Variants in PIP5K1B observed in about 807,000 individuals in gnomAD.
PIP5K1B encodes phosphatidylinositol-4-phosphate 5-kinase type 1 beta, also known as phosphatidylinositol 4-phosphate 5-kinase type-1 beta.
PIP5K1B carries 42 observed loss-of-function variants against 67.0 expected under a neutral mutation model. That is an observed-to-expected ratio of 0.63 (90% CI 0.49 to 0.81). The LOEUF (loss-of-function observed/expected upper bound fraction) is 0.81, where lower values mean the gene tolerates loss of function less well. PIP5K1B is among the 30% of genes least tolerant of loss of function. The pLI is 0.00. For synonymous variants in PIP5K1B, 214 were observed against 231.4 expected (o/e 0.92, Z 0.68); for missense variants, 459 against 646.3 (o/e 0.71, Z 3.14).
intron 2 of PIP5K1B, among the ~76,000 whole-genome samples, chr9:68,804,089 G>C (rs1394414329): frequency 1.3e-5 from 2 of 152,174 alleles, no homozygotes; most frequent in South Asian, 4.1e-4. Flanking sequence ...ATGGACAACA[G>C]TCTTTTGAGG....
chr9:68,715,560 G>C (rs917901528), intron 1 of PIP5K1B, among the ~76,000 whole-genome samples: 1 of 152,138 alleles, frequency 6.6e-6, no homozygotes, highest in Non-Finnish European at 1.5e-5. Flanking sequence ...TCTAGGACAG[G>C]ACCAGTGGTT....
intron 9 of PIP5K1B, among the ~76,000 whole-genome samples, chr9:68,918,083 G>GT (rs1414281323): frequency 1.4e-5 from 2 of 142,162 alleles, no homozygotes; most frequent in Non-Finnish European, 3.1e-5. Flanking sequence ...ATGTTTTATT[G>GT]TTTATTTATT....
At chr9:68,968,503 C>CAAA (rs35997709) in intron 14 of PIP5K1B, among the ~76,000 whole-genome samples, 10 of 132,046 alleles carry the variant, frequency 7.6e-5, no homozygotes, top group Non-Finnish European at 9.5e-5. Flanking sequence ...GACTCTGTCT[C>CAAA]AAAAAAAAAA....
intron 15 of PIP5K1B, among the ~76,000 whole-genome samples, chr9:68,993,737 C>A (rs887748240): frequency 9.5e-4 from 145 of 152,282 alleles, no homozygotes; most frequent in African/African-American, 3.2e-3. Flanking sequence ...AAAATCTCAT[C>A]TTCATGAGCT....
At chr9:68,729,551 A>G (rs2132284624) in intron 1 of PIP5K1B, among the ~76,000 whole-genome samples, 1 of 152,308 alleles carries the variant, frequency 6.6e-6, no homozygotes, top group East Asian at 1.9e-4. Flanking sequence ...ACATATCTAT[A>G]TCTATACACA....
In PIP5K1B at chr9:68,836,280, AC is replaced by A. The variant is rs1209018011; in HGVS notation, c.69+13602del. Among the ~76,000 whole-genome samples the A allele has an allele frequency of 1.3e-5, 2 of 152,118 alleles. 1 individual carries two copies. The highest frequency in any genetic ancestry group is 3.8e-4 in the East Asian group (2 of 5,204). On this transcript the variant is annotated intron_variant, in intron 4 of 15. Transcript: ENST00000265382. ...AGACAAGTCTGTTCTCCCATTCCTG[AC>A]CCCCAACCCAGTGTTCTTTGGAATA...
intron 13 of PIP5K1B, among the ~76,000 whole-genome samples, chr9:68,939,673 A>G (rs1231660295): frequency 6.6e-6 from 1 of 152,202 alleles, no homozygotes; most frequent in Non-Finnish European, 1.5e-5. Context: ...TTCCCAGACT[A>G]GAGTCCAGCC....
Position 68,862,423 on chromosome 9 carries a change from G to A in PIP5K1B, c.70-1414G>A, listed in dbSNP as rs183414347. On this transcript the variant is annotated intron_variant, in intron 4 of 15. Coordinates refer to ENST00000265382, the MANE Select transcript of PIP5K1B (RefSeq NM_003558.4). ...TAAGGAGACCTGAGGATCAAGGACC[G>A]AATTCAGGGGACACTGCAATTATAG... 3.1e-3 allele frequency among the ~76,000 whole-genome samples: 469 copies of A among 152,292 alleles called. 7 individuals are homozygous for A. Among genetic ancestry groups the A allele is most frequent in the Non-Finnish European group, 1.8e-3 (124 of 68,022 alleles).
chr9:68,874,929 T>G (rs149804063), intron 5 of PIP5K1B, among the ~76,000 whole-genome samples: 1 of 152,216 alleles, frequency 6.6e-6, no homozygotes, highest in Non-Finnish European at 1.5e-5. Context: ...TATTTCTATA[T>G]GATCTACATT....
At chr9:68,902,683 C>T (rs1825422955) in intron 8 of PIP5K1B, among the ~76,000 whole-genome samples, 1 of 152,190 alleles carries the variant, frequency 6.6e-6, no homozygotes, top group African/African-American at 2.4e-5. Context: ...TAAGAAACTG[C>T]CATACTCTTT....
intron 2 of PIP5K1B, chr9:68,783,451 A>G (rs1831419102): frequency 6.0e-6 from 1 of 167,058 alleles, no homozygotes; most frequent in Admixed American, 6.5e-5. Flanking sequence ...TAAACATTGT[A>G]CATATCTGTG....
chr9:68,848,157 A>G (rs957457498), intron 4 of PIP5K1B, among the ~76,000 whole-genome samples: 2 of 152,246 alleles, frequency 1.3e-5, no homozygotes, highest in Non-Finnish European at 2.9e-5. Context: ...GTAAGTACTC[A>G]GGAAAGGCCA....
At chr9:68,798,744 G>A (rs1832430244) in intron 2 of PIP5K1B, among the ~76,000 whole-genome samples, 1 of 152,184 alleles carries the variant, frequency 6.6e-6, no homozygotes, top group African/African-American at 2.4e-5. Context: ...TTTTACACAA[G>A]GCCTAACCTG....
chr9:68,996,042 T>C (rs759003852), intron 15 of PIP5K1B, among the ~76,000 whole-genome samples: 2 of 152,240 alleles, frequency 1.3e-5, no homozygotes, highest in Non-Finnish European at 2.9e-5. Flanking sequence ...ATAGCATTTC[T>C]CTATTAGTAG....
intron 2 of PIP5K1B, among the ~76,000 whole-genome samples, chr9:68,758,140 T>C (rs1395500036): frequency 6.6e-6 from 1 of 152,098 alleles, no homozygotes; most frequent in Non-Finnish European, 1.5e-5. Context: ...AAGACAAAAA[T>C]AGCAACATTC....
At chr9:68,863,416 T>TAC (rs544455158) in intron 4 of PIP5K1B, among the ~76,000 whole-genome samples, 7 of 151,734 alleles carry the variant, frequency 4.6e-5, no homozygotes, top group African/African-American at 1.5e-4. Flanking sequence ...CACACACACA[T>TAC]ACACACACAC....
rs7048540 is a variant in PIP5K1B at position 68,706,432 on chromosome 9, C to G, written c.-243+670C>G. On this transcript the variant is annotated intron_variant, in intron 1 of 15. Coordinates refer to ENST00000265382, the MANE Select transcript of PIP5K1B (RefSeq NM_003558.4). The stretch of plus-strand genomic sequence containing the variant: ...AAACAAATGTCTGCTTATCTGGCAT[C>G]TATGCAGATGAGCGTGTTGTCATTT... 2.5e-3 allele frequency among the ~76,000 whole-genome samples: 388 copies of G among 152,294 alleles called. 6 individuals carry two copies. The highest frequency in any genetic ancestry group is 8.9e-3 in the African/African-American group (371 of 41,570).
chr9:69,005,790 G>C (rs931748355), intron 15 of PIP5K1B, among the ~76,000 whole-genome samples: 2 of 150,028 alleles, frequency 1.3e-5, no homozygotes, highest in African/African-American at 4.9e-5. Context: ...CTGGGTGCTG[G>C]GTCAGGATAA....
At chr9:68,869,376 A>G (rs1823516165) in intron 5 of PIP5K1B, among the ~76,000 whole-genome samples, 2 of 152,210 alleles carry the variant, frequency 1.3e-5, no homozygotes, top group South Asian at 4.1e-4. Context: ...GAGATGGAAC[A>G]GTTTCATCCC....
Sources: gnomAD v4.1 joint callset for allele counts (sites outside exome capture counted in the v4.1 genomes callset) on GRCh38, gnomAD v4.1.1 for gene constraint, MANE v1.5 for transcripts, NCBI Gene and HGNC (gene_info 2026-07-23, HGNC 2026-07-21) for gene names.